Variants in ESRRG observed in about 807,000 individuals in gnomAD.
ESRRG encodes the protein estrogen-related receptor gamma.
ESRRG carries 13 observed loss-of-function variants against 44.0 expected under a neutral mutation model. The ratio of observed to expected loss-of-function variants is 0.30; its 90% CI spans 0.19 to 0.47. The LOEUF (loss-of-function observed/expected upper bound fraction) is 0.47. Among genes scored for constraint, ESRRG ranks in the 20% least tolerant of loss-of-function variants. The probability of loss-of-function intolerance (pLI) is 1.00; values close to 1 mark genes in which losing one functional copy is unlikely to be tolerated. For missense variants in ESRRG, 395 were observed against 580.6 expected (o/e 0.68, Z 3.29); for synonymous variants, 215 against 214.6 (o/e 1.00, Z -0.02).
rs181271636 is a variant in ESRRG at position 216,554,133 on chromosome 1, T to C, written c.862+10086A>G. Among the ~76,000 whole-genome samples the C allele has an allele frequency of 1.0e-3, 152 of 152,172 alleles. 1 individual carries two copies. The highest frequency in any genetic ancestry group is 1.6e-4 in the Non-Finnish European group (11 of 67,988). On this transcript the variant is annotated intron_variant, in intron 5 of 6. Transcript: ENST00000408911. ...TAATATTTCTGTAAGAGTCTAGTGC[T>C]GTGGACACACTTGGTACGGTGTTAA... is the stretch of plus-strand genomic sequence containing the variant.
upstream of ESRRG, among the ~76,000 whole-genome samples, chr1:216,726,769 C>A (rs1480105075): frequency 3.3e-5 from 5 of 152,106 alleles, no homozygotes; most frequent in East Asian, 9.6e-4. Context: ...TTAAACAATG[C>A]AGTCATAAAT....
At chr1:216,942,201 T>G (rs2065347491) in intron 1 of ESRRG, among the ~76,000 whole-genome samples, 1 of 152,192 alleles carries the variant, frequency 6.6e-6, no homozygotes, top group African/African-American at 2.4e-5. Context: ...TCACTTAGGA[T>G]AGTGGCCTCC....
intron 1 of ESRRG, among the ~76,000 whole-genome samples, chr1:217,042,094 G>T (rs908445770): frequency 8.5e-5 from 13 of 152,092 alleles, no homozygotes; most frequent in Admixed American, 7.9e-4. Context: ...AGGTGGGCTT[G>T]CTCTAACCAT....
intron 2 of ESRRG, among the ~76,000 whole-genome samples, chr1:216,935,627 T>C (rs1578349180): frequency 1.3e-5 from 2 of 152,026 alleles, no homozygotes; most frequent in Middle Eastern, 6.8e-3. Flanking sequence ...GGAATTTTTT[T>C]TTTTTTGGAG....
chr1:216,967,576 T>C (rs1388579512), intron 1 of ESRRG, among the ~76,000 whole-genome samples: 1 of 152,208 alleles, frequency 6.6e-6, no homozygotes, highest in Non-Finnish European at 1.5e-5. Flanking sequence ...AGCTCATTTC[T>C]TTTTAGCAGT....
At chr1:216,676,593 G>A (rs1429823667) in intron 2 of ESRRG, among the ~76,000 whole-genome samples, 2 of 152,102 alleles carry the variant, frequency 1.3e-5, no homozygotes, top group Non-Finnish European at 1.5e-5. Flanking sequence ...CCCCACCCCA[G>A]ATCTAATGAA....
chr1:217,075,376 A>G (rs2091139334), intron 1 of ESRRG, among the ~76,000 whole-genome samples: 1 of 152,196 alleles, frequency 6.6e-6, no homozygotes, highest in Non-Finnish European at 1.5e-5. Flanking sequence ...TGGCCTAAAA[A>G]TATTAAACAT....
chr1:216,622,782 T>G (rs150396226), intron 3 of ESRRG, among the ~76,000 whole-genome samples: 1 of 152,196 alleles, frequency 6.6e-6, no homozygotes, highest in Admixed American at 6.5e-5. Flanking sequence ...GTTACACATT[T>G]CTTTATCAAA....
chr1:217,062,904 A>G (rs1257771196), intron 1 of ESRRG, among the ~76,000 whole-genome samples: 1 of 152,216 alleles, frequency 6.6e-6, no homozygotes, highest in Non-Finnish European at 1.5e-5. Context: ...TACAGAGAGC[A>G]GGAAGAATCA....
intron 2 of ESRRG, among the ~76,000 whole-genome samples, chr1:216,736,608 A>T (rs2089963283): frequency 6.6e-6 from 1 of 152,162 alleles, no homozygotes; most frequent in African/African-American, 2.4e-5. Flanking sequence ...GTTGGTAGAA[A>T]GAACAGTTGA....
intron 3 of ESRRG, among the ~76,000 whole-genome samples, chr1:216,569,649 A>C (rs2060424454): frequency 6.6e-6 from 1 of 152,218 alleles, no homozygotes; most frequent in Non-Finnish European, 1.5e-5. Flanking sequence ...GCTTGGGAGC[A>C]GAAGTGAGGA....
intron 2 of ESRRG, among the ~76,000 whole-genome samples, chr1:216,922,982 A>C (rs2149731773): frequency 6.6e-6 from 1 of 152,236 alleles, no homozygotes; most frequent in South Asian, 2.1e-4. Context: ...GTCTTTATTT[A>C]CTTCTGTTTA....
intron 1 of ESRRG, among the ~76,000 whole-genome samples, chr1:216,970,295 T>C (rs1231848640): frequency 6.6e-6 from 1 of 152,224 alleles, no homozygotes; most frequent in Non-Finnish European, 1.5e-5. Flanking sequence ...AATTAGTGAA[T>C]ACTAATTGAA....
chr1:216,688,764 T>G (rs996874671), intron 1 of ESRRG, among the ~76,000 whole-genome samples: 1 of 152,126 alleles, frequency 6.6e-6, no homozygotes, highest in African/African-American at 2.4e-5. Context: ...TAAAATACAA[T>G]TTTTGTCAAG....
chr1:216,996,952 A>T (rs897287121), intron 1 of ESRRG, among the ~76,000 whole-genome samples: 4 of 152,198 alleles, frequency 2.6e-5, no homozygotes, highest in African/African-American at 9.7e-5. Flanking sequence ...TCTGTGAAAA[A>T]AAATCAAAAT....
chr1:216,574,491 A>AT (rs767773923), intron 3 of ESRRG, among the ~76,000 whole-genome samples: 4 of 152,126 alleles, frequency 2.6e-5, no homozygotes, highest in Non-Finnish European at 5.9e-5. Flanking sequence ...AGTCAAAAGT[A>AT]TTTTTCACAT....
At chr1:216,781,760 G>A (rs990595653) in intron 2 of ESRRG, among the ~76,000 whole-genome samples, 3 of 152,020 alleles carry the variant, frequency 2.0e-5, no homozygotes, top group Admixed American at 6.6e-5. Flanking sequence ...AAAAACCATA[G>A]GGGAGTGGCA....
At chr1:216,857,393 A>C (rs1157890034) in intron 2 of ESRRG, among the ~76,000 whole-genome samples, 1 of 151,982 alleles carries the variant, frequency 6.6e-6, no homozygotes, top group African/African-American at 2.4e-5. Flanking sequence ...AACTTTAAAA[A>C]ATACGCTTTG....
At chr1:216,949,653 G>A (rs917872616) in intron 1 of ESRRG, among the ~76,000 whole-genome samples, 4 of 152,130 alleles carry the variant, frequency 2.6e-5, no homozygotes, top group Non-Finnish European at 5.9e-5. Flanking sequence ...AAAAGGCAAG[G>A]AAAGTACATG....
Sources: gnomAD v4.1 joint callset for allele counts (sites outside exome capture counted in the v4.1 genomes callset) on GRCh38, gnomAD v4.1.1 for gene constraint, MANE v1.5 for transcripts, NCBI Gene and HGNC (gene_info 2026-07-23, HGNC 2026-07-21) for gene names.